Variants in SDK1 observed in about 807,000 individuals in gnomAD.
SDK1 encodes the protein protein sidekick-1.
Under a neutral mutation model 245.5 loss-of-function variants are expected in SDK1, and 157 were observed. The observed-to-expected ratio is 0.64, with a 90% CI of 0.56 to 0.73. SDK1 has a LOEUF of 0.73. Ranked by LOEUF, SDK1 falls within the 30% of genes least tolerant of loss-of-function variation. SDK1 has a pLI of 0.00. For missense variants in SDK1, 3,583 were observed against 3,002.3 expected (o/e 1.19, Z -4.52); for synonymous variants, 1,647 against 1,278.5 (o/e 1.29, Z -6.15).
intron 4 of SDK1, among the ~76,000 whole-genome samples, chr7:3,761,298 A>G (rs1416649402): frequency 6.0e-5 from 5 of 83,676 alleles, no homozygotes; most frequent in African/African-American, 1.5e-4. Context: ...CTGATGATCT[A>G]TTTAGTTATT....
At chr7:3,321,663 G>T (rs1359196826) in intron 1 of SDK1, among the ~76,000 whole-genome samples, 1 of 151,604 alleles carries the variant, frequency 6.6e-6, no homozygotes, top group African/African-American at 2.4e-5. Flanking sequence ...TGCAATGAAT[G>T]TGGGTTGGTT....
At chr7:3,629,038 A>C (rs1471898498) in intron 2 of SDK1, among the ~76,000 whole-genome samples, 7 of 151,904 alleles carry the variant, frequency 4.6e-5, no homozygotes, top group Non-Finnish European at 7.4e-5. Flanking sequence ...CACACCTATA[A>C]TCCCAGCACT....
At chr7:3,641,905 C>T in intron 3 of SDK1, 53 bp from the exon 4 acceptor site, 4 of 1,508,032 alleles carry the variant, frequency 2.7e-6, no homozygotes, top group Non-Finnish European at 3.6e-6. Flanking sequence ...GTGACCCCTT[C>T]CCTCCCCCAA....
intron 1 of SDK1, among the ~76,000 whole-genome samples, chr7:3,419,834 A>C (rs1204906343): frequency 6.6e-6 from 1 of 152,242 alleles, no homozygotes; most frequent in Non-Finnish European, 1.5e-5. Context: ...AACTAAGCTT[A>C]GTATGGCCTG....
chr7:3,323,809 C>T (rs1467692039), intron 1 of SDK1, among the ~76,000 whole-genome samples: 2 of 152,124 alleles, frequency 1.3e-5, no homozygotes, highest in Non-Finnish European at 2.9e-5. Context: ...GTTACAGGTT[C>T]CAGAGTATGG....
chr7:4,265,535 A>G lies in SDK1; in HGVS notation c.*151A>G, dbSNP rs185553117. ...ATGATTTTACCTACTTGTGGACACT[A>G]GATTTCAATTAGGAAGGTTTTTTTA... On this transcript the variant is annotated 3_prime_UTR_variant, in exon 45 of 45. Transcript: ENST00000404826. 7 of 1,346,180 alleles carry G rather than the reference A, an allele frequency of 5.2e-6. No individual in the cohort carries two copies. In the East Asian group the frequency reaches 2.1e-4, roughly 41 times the overall value. 83.4% of individuals were successfully genotyped at this position (1,346,180 alleles called of 1,614,324 possible).
chr7:3,911,368 A>C (rs1274707685), intron 5 of SDK1, among the ~76,000 whole-genome samples: 2 of 152,162 alleles, frequency 1.3e-5, no homozygotes, highest in East Asian at 3.9e-4. Flanking sequence ...GCTTGTCAGC[A>C]ACAGAAACTT....
chr7:4,201,666 A>C (rs1344642311), intron 35 of SDK1, among the ~76,000 whole-genome samples: 1 of 152,128 alleles, frequency 6.6e-6, no homozygotes, highest in Non-Finnish European at 1.5e-5. Flanking sequence ...CGGTGACAGG[A>C]GGCGCCTGGC....
chr7:3,366,889 G>A (rs544047317), intron 1 of SDK1, among the ~76,000 whole-genome samples: 1 of 152,054 alleles, frequency 6.6e-6, no homozygotes, highest in East Asian at 1.9e-4. Flanking sequence ...TTACAGGCAT[G>A]CACCACCATG....
intron 25 of SDK1, among the ~76,000 whole-genome samples, chr7:4,118,636 T>A (rs545240353): frequency 8.1e-6 from 1 of 123,864 alleles, no homozygotes; most frequent in Admixed American, 7.7e-5. Flanking sequence ...TAAATGTTCA[T>A]AGCAGCTTTA....
In SDK1 at chr7:3,540,051, A is replaced by G. The variant is rs371860605; in HGVS notation, c.299-79029A>G. On this transcript the variant is annotated intron_variant, in intron 1 of 44. Coordinates refer to ENST00000404826, the MANE Select transcript of SDK1 (RefSeq NM_152744.4). ...ATTTATGATATTTTGAGTCACAAAA[A>G]AAACACATATGTGGATCACATTTGA... is the stretch of plus-strand genomic sequence containing the variant. 4.6e-5 allele frequency among the ~76,000 whole-genome samples: 7 copies of G among 152,358 alleles called. 1 individual carries two copies. The East Asian group carries it at 1.2e-3, about 25-fold the overall frequency.
At chr7:3,566,720 CAAA>C (rs908670320) in intron 1 of SDK1, among the ~76,000 whole-genome samples, 10 of 72,596 alleles carry the variant, frequency 1.4e-4, no homozygotes, top group African/African-American at 3.1e-4. Context: ...AAACTACTGC[CAAA>C]AAAAAAAAAA....
intron 13 of SDK1, among the ~76,000 whole-genome samples, chr7:3,986,606 A>G (rs1783849250): frequency 6.6e-6 from 1 of 152,234 alleles, no homozygotes; most frequent in East Asian, 1.9e-4. Flanking sequence ...CACGCCTGTA[A>G]TCCCAGCACT....
chr7:3,579,859 A>G (rs975097650), intron 1 of SDK1, among the ~76,000 whole-genome samples: 1 of 152,230 alleles, frequency 6.6e-6, no homozygotes, highest in African/African-American at 2.4e-5. Flanking sequence ...AAAACTGGGT[A>G]AAGTCTGCCA....
At chr7:3,986,382 G>C (rs1360965215) in intron 13 of SDK1, among the ~76,000 whole-genome samples, 1 of 152,156 alleles carries the variant, frequency 6.6e-6, no homozygotes, top group Non-Finnish European at 1.5e-5. Context: ...ACCTCATGCT[G>C]TCAATAAATG....
chr7:3,816,158 T>G (rs1345387853), intron 4 of SDK1, among the ~76,000 whole-genome samples: 1 of 146,492 alleles, frequency 6.8e-6, no homozygotes, highest in East Asian at 2.0e-4. Context: ...GATCCAAAAT[T>G]GACACCCTAA....
chr7:4,200,599 T>C (rs745758237), intron 35 of SDK1, among the ~76,000 whole-genome samples: 6 of 152,236 alleles, frequency 3.9e-5, no homozygotes, highest in Non-Finnish European at 8.8e-5. Flanking sequence ...CGTGGACTTT[T>C]GGACTTGAGT....
At chr7:4,108,359 CTG>C (rs1462257734) in intron 22 of SDK1, among the ~76,000 whole-genome samples, 2 of 152,150 alleles carry the variant, frequency 1.3e-5, no homozygotes, top group Admixed American at 1.3e-4. Context: ...CTCTTGTTTT[CTG>C]TGTCTCTGAA....
At chr7:3,630,865 A>G (rs1439518567) in intron 2 of SDK1, among the ~76,000 whole-genome samples, 1 of 151,964 alleles carries the variant, frequency 6.6e-6, no homozygotes, top group African/African-American at 2.4e-5. Flanking sequence ...TTTAGGCCCG[A>G]GACCCTGAGA....
Sources: allele counts gnomAD v4.1 joint callset (sites outside exome capture counted in the v4.1 genomes callset), GRCh38; gene constraint gnomAD v4.1.1; transcripts MANE v1.5; gene names NCBI Gene and HGNC (gene_info 2026-07-23, HGNC 2026-07-21).